Variants in RAPH1 observed in about 807,000 individuals in gnomAD.
RAPH1 encodes Ras association (RalGDS/AF-6) and pleckstrin homology domains 1, also known as ras-associated and pleckstrin homology domains-containing protein 1.
A neutral mutation model predicts 88.1 loss-of-function variants in RAPH1; 18 were observed. The ratio of observed to expected loss-of-function variants is 0.20; its 90% CI spans 0.14 to 0.30. The LOEUF is 0.30. Among genes scored for constraint, RAPH1 ranks in the 10% least tolerant of loss-of-function variants. RAPH1 has a pLI of 1.00. For missense variants in RAPH1, 1,448 were observed against 1,543.2 expected, an observed-to-expected ratio of 0.94 and a Z score of 1.03; for synonymous variants, 587 against 559.0, an observed-to-expected ratio of 1.05 and a Z score of -0.71.
intron 8 of RAPH1, among the ~76,000 whole-genome samples, chr2:203,455,982 C>G (rs1463293978): frequency 6.6e-6 from 1 of 152,106 alleles, no homozygotes; most frequent in African/African-American, 2.4e-5. Context: ...GCACTCCAGC[C>G]TGGGCAACAG....
At position 203,440,374 on chromosome 2, in the gene RAPH1, G is replaced by A; in HGVS notation, c.2816C>T (p.Pro939Leu). 6.3e-7 allele frequency: 1 copy of A among 1,596,818 alleles called. No homozygotes were observed. The highest frequency in any genetic ancestry group is 1.7e-4 in the Middle Eastern group (1 of 5,964). The change falls in exon 14 of 14, where the codon CCA (proline) becomes CTA (leucine). Residue 939 changes from proline (P) to leucine (L), a missense_variant. This residue lies in a region of RAPH1 where 935 missense variants were observed against 890.1 expected (regional missense o/e 1.05). Coordinates refer to ENST00000319170, the MANE Select transcript of RAPH1 (RefSeq NM_213589.3). ...PPPPSPVPAPPPPPPPTASPT... is the reference protein window; with the variant it reads ...PPPPSPVPAPLPPPPPTASPT... Reference sequence around the variant, plus strand: ...AGAAGCTGTGGGTGGAGGTGGTGGTGGTGGGGCTGGGACAGGTGATGGGGG... The same window carrying A: ...AGAAGCTGTGGGTGGAGGTGGTGGTAGTGGGGCTGGGACAGGTGATGGGGG...
chr2:203,463,800 T>G (rs772414200), intron 4 of RAPH1, among the ~76,000 whole-genome samples: 3 of 152,172 alleles, frequency 2.0e-5, no homozygotes, highest in Non-Finnish European at 4.4e-5. Context: ...TAAAACATGT[T>G]TACGTTTTAA....
intron 1 of RAPH1, among the ~76,000 whole-genome samples, chr2:203,511,904 G>A (rs1175410510): frequency 6.6e-6 from 1 of 152,102 alleles, no homozygotes; most frequent in Non-Finnish European, 1.5e-5. Context: ...AAGGTCAAGA[G>A]ATTGAGATCA....
chr2:203,478,621 CT>C (rs1368085361), intron 4 of RAPH1, among the ~76,000 whole-genome samples: 4 of 152,084 alleles, frequency 2.6e-5, no homozygotes, highest in Admixed American at 6.6e-5. Flanking sequence ...TCCTGAGTAG[CT>C]GGGATTACAG....
At position 203,434,943 on chromosome 2, in the gene RAPH1, ACTTT is replaced by A. The variant is rs1241169166; in HGVS notation, c.*4490_*4493del. ...AAAACTAGAAATACCACCTTCCTTT[ACTTT>A]CATTAGCACCTCAAAGTTTGCTTGC... On this transcript the variant is annotated 3_prime_UTR_variant, in exon 14 of 14. Transcript: ENST00000319170. 5 of 152,606 alleles carry A rather than the reference ACTTT, an allele frequency of 3.3e-5. No homozygotes were observed. Among genetic ancestry groups the A allele is most frequent in the Non-Finnish European group, 5.9e-5 (4 of 68,038 alleles). The allele number at this position is 152,606 out of a possible 1,614,324, so 9.5% of individuals were successfully genotyped here. A position where few individuals can be genotyped will look rare whatever the true frequency, so the allele number is the denominator to read the frequency against.
chr2:203,467,195 T>A (rs1178378524), intron 4 of RAPH1, among the ~76,000 whole-genome samples: 3 of 152,154 alleles, frequency 2.0e-5, no homozygotes, highest in Non-Finnish European at 4.4e-5. Flanking sequence ...AGTGTCCTTA[T>A]GTGTAAATGT....
intron 4 of RAPH1, among the ~76,000 whole-genome samples, chr2:203,468,254 C>G (rs2098530181): frequency 6.6e-6 from 1 of 152,122 alleles, no homozygotes; most frequent in Admixed American, 6.5e-5. Flanking sequence ...AAAAATAAAG[C>G]CTCGGTGTGG....
rs917622459 is a variant in RAPH1, at chr2:203,437,237, A to AT, written c.*2199dup. 1 of 152,140 alleles carries AT rather than the reference A, an allele frequency of 6.6e-6. No homozygotes were observed. The highest frequency in any genetic ancestry group is 1.5e-5 in the Non-Finnish European group (1 of 68,012). 9.4% of individuals were successfully genotyped at this position (152,140 alleles called of 1,614,324 possible). A position where few individuals can be genotyped will look rare whatever the true frequency, so the allele number is the denominator to read the frequency against. On this transcript the variant is annotated 3_prime_UTR_variant, in exon 14 of 14. Transcript: ENST00000319170. ...TGGGTGAAAAAAGGTTAGCGGGTAC[A>AT]TTTTTTCCCCCTCAAGAAAAACTGA...
intron 1 of RAPH1, among the ~76,000 whole-genome samples, chr2:203,525,971 G>A (rs546491927): frequency 6.6e-6 from 1 of 152,156 alleles, no homozygotes; most frequent in South Asian, 2.1e-4. Context: ...AATGGAAAAT[G>A]TTGTATACCT....
At chr2:203,443,617 G>T (rs1244146787) in intron 13 of RAPH1, 1 of 150,474 alleles carries the variant, frequency 6.6e-6, no homozygotes, top group Non-Finnish European at 1.5e-5. Flanking sequence ...ATTCATCAAT[G>T]CCCAAAGAAA....
chr2:203,521,652 TA>T (rs1481535059), intron 1 of RAPH1, among the ~76,000 whole-genome samples: 2 of 152,134 alleles, frequency 1.3e-5, no homozygotes, highest in Non-Finnish European at 2.9e-5. Context: ...ATTTTATTTT[TA>T]AAAAATATTC....
intron 1 of RAPH1, among the ~76,000 whole-genome samples, chr2:203,506,856 C>CTATATATCTATCTATATCTATATA (rs1559494829): frequency 6.8e-4 from 21 of 30,726 alleles, no homozygotes; most frequent in Non-Finnish European, 1.0e-3. Flanking sequence ...CTATCTATAT[C>CTATATATCTATCTATATCTATATA]TATATATATA....
intron 1 of RAPH1, among the ~76,000 whole-genome samples, chr2:203,529,541 T>G (rs1051981443): frequency 2.6e-5 from 4 of 152,058 alleles, no homozygotes; most frequent in Admixed American, 1.3e-4. Flanking sequence ...TTTTGTATTT[T>G]TAGTAGAGAT....
intron 1 of RAPH1, among the ~76,000 whole-genome samples, chr2:203,527,675 C>T (rs1335877958): frequency 6.6e-6 from 1 of 151,902 alleles, no homozygotes; most frequent in Non-Finnish European, 1.5e-5. Flanking sequence ...TGGCGCATGC[C>T]TGTATTCCCA....
chr2:203,529,641 G>A (rs1690299418), intron 1 of RAPH1, among the ~76,000 whole-genome samples: 1 of 152,164 alleles, frequency 6.6e-6, no homozygotes, highest in Non-Finnish European at 1.5e-5. Context: ...GGGATTACAG[G>A]CATGAGCCAC....
intron 1 of RAPH1, among the ~76,000 whole-genome samples, chr2:203,500,283 T>G (rs114576303): frequency 1.6e-3 from 250 of 152,220 alleles, no homozygotes; most frequent in African/African-American, 5.9e-3. Flanking sequence ...AGAGTGAATA[T>G]GTAAGAGAAA....
In RAPH1 at chr2:203,463,235, C is replaced by T. The variant is rs145554532; in HGVS notation, c.733-1310G>A. On this transcript the variant is annotated intron_variant, in intron 4 of 13. Coordinates refer to ENST00000319170, the MANE Select transcript of RAPH1 (RefSeq NM_213589.3). ...AAAAAGAAAAGAAAAATGGAAACTTCCACCTTAAATATTCCTTAAGTCTAA... is the reference window on the plus strand; with the variant it reads ...AAAAAGAAAAGAAAAATGGAAACTTTCACCTTAAATATTCCTTAAGTCTAA... Among the ~76,000 whole-genome samples the T allele has an allele frequency of 1.1e-3, 170 of 151,800 alleles. 6 individuals carry two copies. In the East Asian group the frequency reaches 0.032, roughly 28 times the overall value.
At chr2:203,522,230 A>C (rs1201230899) in intron 1 of RAPH1, among the ~76,000 whole-genome samples, 1 of 152,232 alleles carries the variant, frequency 6.6e-6, no homozygotes, top group Non-Finnish European at 1.5e-5. Context: ...ATCAGAGTAG[A>C]TGGTCCTGTT....
In RAPH1 at chr2:203,440,429, G is replaced by C. The variant is rs2098502486; in HGVS notation, c.2761C>G (p.Pro921Ala). 1.9e-6 allele frequency: 3 copies of C among 1,548,366 alleles called. No homozygotes were observed. The highest frequency in any genetic ancestry group is 2.6e-6 in the Non-Finnish European group (3 of 1,148,826). The change falls in exon 14 of 14, where the codon CCT (proline) becomes GCT (alanine). Residue 921 changes from proline (P) to alanine (A), a missense_variant. Pro to Ala is a conservative substitution (Grantham distance 27). Coordinates refer to ENST00000319170, the MANE Select transcript of RAPH1 (RefSeq NM_213589.3). ...GGAGGAAACACCAGGCTGCTTTCAG[G>C]AGGGGGAGGAGGGAAGTCCGGAGAA... ...VPSPDFPPPP[P>A]ESSLVFPPPP...
Sources: allele counts gnomAD v4.1 joint callset (sites outside exome capture counted in the v4.1 genomes callset), GRCh38; gene constraint gnomAD v4.1.1; regional missense constraint gnomAD v4.1.1; transcripts MANE v1.5; gene names NCBI Gene and HGNC (gene_info 2026-07-23, HGNC 2026-07-21).